RBFOX3: variants seen among roughly 807,000 people sequenced by gnomAD.
The protein encoded by RBFOX3 is RNA binding protein fox-1 homolog 3.
Under a neutral mutation model 48.7 loss-of-function variants are expected in RBFOX3, and 17 were observed. The ratio of observed to expected loss-of-function variants is 0.35; its 90% confidence interval spans 0.24 to 0.52. The LOEUF is 0.52. Ranked by LOEUF, RBFOX3 falls within the 20% of genes least tolerant of loss-of-function variation. The pLI is 0.94. For synonymous variants in RBFOX3, 212 were observed against 209.5 expected (o/e 1.01, Z -0.10); for missense variants, 382 against 497.5 (o/e 0.77, Z 2.21).
At chr17:79,460,251 G>A (rs2075199049) in intron 2 of RBFOX3, among the ~76,000 whole-genome samples, 1 of 152,100 alleles carries the variant, frequency 6.6e-6, no homozygotes, top group Non-Finnish European at 1.5e-5. Flanking sequence ...AATAGTTCAT[G>A]TTATGTTATG....
intron 4 of RBFOX3, among the ~76,000 whole-genome samples, chr17:79,150,077 G>T (rs55666426): frequency 3.0e-4 from 15 of 50,032 alleles, no homozygotes; most frequent in African/African-American, 5.8e-4. Context: ...TGGGGGTTTG[G>T]GGTGGATCTA....
At chr17:79,538,272 G>A (rs2089169078) in intron 1 of RBFOX3, among the ~76,000 whole-genome samples, 1 of 152,184 alleles carries the variant, frequency 6.6e-6, no homozygotes, top group Non-Finnish European at 1.5e-5. Flanking sequence ...TGTGTGCCTG[G>A]CACACAGCAG....
intron 2 of RBFOX3, among the ~76,000 whole-genome samples, chr17:79,331,268 G>T (rs2146335896): frequency 6.6e-6 from 1 of 152,268 alleles, no homozygotes; most frequent in African/African-American, 2.4e-5. Context: ...CCTGCCGTTT[G>T]CCTTTCCTCT....
chr17:79,322,440 C>T (rs773748296), intron 2 of RBFOX3, among the ~76,000 whole-genome samples: 16 of 152,266 alleles, frequency 1.1e-4, no homozygotes, highest in Admixed American at 7.8e-4. Flanking sequence ...GCACCAAGCA[C>T]GCCCTGAGTA....
At chr17:79,422,455 G>C (rs888579221) in intron 2 of RBFOX3, among the ~76,000 whole-genome samples, 12 of 151,692 alleles carry the variant, frequency 7.9e-5, no homozygotes, top group African/African-American at 1.2e-4. Flanking sequence ...TCACCTGCCC[G>C]AGCCGGCTGC....
intron 2 of RBFOX3, among the ~76,000 whole-genome samples, chr17:79,398,467 T>C (rs2062334611): frequency 6.7e-6 from 1 of 149,284 alleles, no homozygotes; most frequent in Non-Finnish European, 1.5e-5. Context: ...GTACACCACA[T>C]AAACCACGTC....
chr17:79,442,358 GGGGGGAGAGAGAGAGAGAGAGA>G (rs2071262197), intron 2 of RBFOX3, among the ~76,000 whole-genome samples: 1 of 27,016 alleles, frequency 3.7e-5, no homozygotes, highest in African/African-American at 2.4e-4. Context: ...GGAGGAAGAG[GGGGGGAGAGAGAGAGAGAGAGA>G]GAGAGAGAGA....
chr17:79,184,321 A>G (rs1322131544), intron 4 of RBFOX3, among the ~76,000 whole-genome samples: 1 of 152,070 alleles, frequency 6.6e-6, no homozygotes, highest in Admixed American at 6.5e-5. Context: ...ACCGGCCACA[A>G]TGCATCCTCC....
chr17:79,459,810 T>C (rs1385923916), intron 2 of RBFOX3, among the ~76,000 whole-genome samples: 1 of 152,182 alleles, frequency 6.6e-6, no homozygotes, highest in Admixed American at 6.5e-5. Context: ...TACTGTTTCA[T>C]TTCCTCATTC....
At chr17:79,431,882 C>A (rs150683947) in intron 2 of RBFOX3, among the ~76,000 whole-genome samples, 1 of 152,226 alleles carries the variant, frequency 6.6e-6, no homozygotes, top group East Asian at 1.9e-4. Context: ...GTCCAGCCAT[C>A]GCCACCTTCC....
At chr17:79,122,819 T>C (rs983350331) in intron 4 of RBFOX3, among the ~76,000 whole-genome samples, 3 of 151,690 alleles carry the variant, frequency 2.0e-5, no homozygotes, top group Admixed American at 6.6e-5. Context: ...CATCAACAGA[T>C]GAATGGGTAA....
intron 3 of RBFOX3, among the ~76,000 whole-genome samples, chr17:79,291,902 G>A (rs76081870): frequency 0.082 from 12,431 of 152,128 alleles, 1,087 homozygotes; most frequent in African/African-American, 0.22. Flanking sequence ...CAACACAAAA[G>A]CTTCACCACG....
At chr17:79,457,115 G>A (rs2074630408) in intron 2 of RBFOX3, among the ~76,000 whole-genome samples, 1 of 152,226 alleles carries the variant, frequency 6.6e-6, no homozygotes, top group South Asian at 2.1e-4. Context: ...CCTCCCCAGG[G>A]CATGGGCTCC....
At position 79,204,624 on chromosome 17, in the gene RBFOX3, A is replaced by G. The variant is rs770169258; in HGVS notation, c.-34+31142T>C. ...TCTGTGTCCCAGAAGGGTATGGGGGACATTCCCTCCACTAAGGCAATAAAA... is the reference window on the plus strand; with the variant it reads ...TCTGTGTCCCAGAAGGGTATGGGGGGCATTCCCTCCACTAAGGCAATAAAA... On this transcript the variant is annotated intron_variant, in intron 4 of 14. Transcript: ENST00000693108. The surrounding 1 kb of genome is among the most constrained non-coding windows in gnomAD (Gnocchi z 4.5). Among the ~76,000 whole-genome samples, 7 of 152,098 alleles carry G rather than the reference A, an allele frequency of 4.6e-5. No individual in the cohort carries two copies. Among genetic ancestry groups the G allele is most frequent in the Non-Finnish European group, 5.9e-5 (4 of 68,004 alleles).
chr17:79,093,164 G>A (rs2074320047), intron 14 of RBFOX3, among the ~76,000 whole-genome samples: 1 of 152,020 alleles, frequency 6.6e-6, no homozygotes, highest in Non-Finnish European at 1.5e-5. Flanking sequence ...GGTCCTCCTG[G>A]GCCCACCTGA....
chr17:79,450,333 C>T (rs2073237649), intron 2 of RBFOX3, among the ~76,000 whole-genome samples: 1 of 152,192 alleles, frequency 6.6e-6, no homozygotes, highest in Non-Finnish European at 1.5e-5. Context: ...ACAAGAGCTA[C>T]TTTGGCAGTA....
intron 4 of RBFOX3, among the ~76,000 whole-genome samples, chr17:79,154,520 G>A (rs1036167872): frequency 1.3e-5 from 2 of 151,490 alleles, no homozygotes; most frequent in African/African-American, 4.9e-5. Flanking sequence ...GGAGGAAGTC[G>A]GGCGCCTGTG....
intron 1 of RBFOX3, among the ~76,000 whole-genome samples, chr17:79,551,552 T>TGGGC (rs1466860323): frequency 1.3e-5 from 2 of 149,220 alleles, no homozygotes; most frequent in Non-Finnish European, 3.0e-5. Context: ...GGTGGATGGA[T>TGGGC]GGGCAGATGG....
the RBFOX3 span, among the ~76,000 whole-genome samples, chr17:79,643,453 T>C: frequency 1.3e-5 from 2 of 152,214 alleles, no homozygotes; most frequent in Admixed American, 1.3e-4. Context: ...TAGCCATTTA[T>C]AGAACACTAA....
Sources: allele counts gnomAD v4.1 joint callset (sites outside exome capture counted in the v4.1 genomes callset), GRCh38; gene constraint gnomAD v4.1.1; non-coding constraint Gnocchi (gnomAD v3.1); transcripts MANE v1.5; gene names NCBI Gene and HGNC (gene_info 2026-07-23, HGNC 2026-07-21).